RPTOR: variants seen among roughly 807,000 people sequenced by gnomAD.
The protein encoded by RPTOR is regulatory associated protein of MTOR complex 1.
A neutral mutation model predicts 169.9 loss-of-function variants in RPTOR; 21 were observed. The ratio of observed to expected loss-of-function variants is 0.12; its 90% CI spans 0.09 to 0.18. RPTOR has a LOEUF of 0.18. Ranked by LOEUF, RPTOR falls within the 10% of genes least tolerant of loss-of-function variation. The probability of loss-of-function intolerance (pLI) is 1.00; values close to 1 mark genes in which losing one functional copy is unlikely to be tolerated. For missense variants in RPTOR, 1,133 were observed against 1,855.9 expected, an observed-to-expected ratio of 0.61 and a Z score of 7.16; for synonymous variants, 732 against 753.2, an observed-to-expected ratio of 0.97 and a Z score of 0.46.
intron 1 of RPTOR, among the ~76,000 whole-genome samples, chr17:80,616,296 A>ATTTT (rs1409395643): frequency 4.9e-5 from 5 of 101,790 alleles, no homozygotes; most frequent in African/African-American, 1.2e-4. Context: ...AAAATTGAAA[A>ATTTT]TCTTTTTTTT....
intron 3 of RPTOR, among the ~76,000 whole-genome samples, chr17:80,703,884 G>A (rs777863513): frequency 1.3e-5 from 2 of 152,218 alleles, no homozygotes; most frequent in Non-Finnish European, 2.9e-5. Flanking sequence ...ACCAAAATGG[G>A]ATGTGGCCTG....
intron 5 of RPTOR, among the ~76,000 whole-genome samples, chr17:80,737,040 A>G (rs535758034): frequency 6.6e-6 from 1 of 152,282 alleles, no homozygotes; most frequent in East Asian, 1.9e-4. Context: ...CAACTTTATT[A>G]ATTTTCAAGT....
intron 3 of RPTOR, among the ~76,000 whole-genome samples, chr17:80,701,077 T>C (rs2066096898): frequency 6.6e-6 from 1 of 152,108 alleles, no homozygotes; most frequent in Non-Finnish European, 1.5e-5. Context: ...AAATGGTTAG[T>C]GACCCCATCC....
At chr17:80,918,990 C>T (rs1331653115) in intron 21 of RPTOR, among the ~76,000 whole-genome samples, 1 of 152,188 alleles carries the variant, frequency 6.6e-6, no homozygotes, top group Non-Finnish European at 1.5e-5. Flanking sequence ...TTCCCACACA[C>T]CCGGGTCTGA....
intron 2 of RPTOR, among the ~76,000 whole-genome samples, chr17:80,626,971 C>G (rs948298115): frequency 7.2e-5 from 11 of 152,174 alleles, no homozygotes; most frequent in South Asian, 2.1e-4. Context: ...TCCCCTAGCC[C>G]CTAGTAACCG....
chr17:80,709,822 A>C (rs1281952162), intron 4 of RPTOR, among the ~76,000 whole-genome samples: 1 of 152,064 alleles, frequency 6.6e-6, no homozygotes, highest in African/African-American at 2.4e-5. Flanking sequence ...CCTATCTGCT[A>C]TCCACTTCTC....
intron 7 of RPTOR, among the ~76,000 whole-genome samples, chr17:80,821,609 C>T (rs1422453431): frequency 1.3e-5 from 2 of 152,194 alleles, no homozygotes; most frequent in Non-Finnish European, 2.9e-5. Context: ...GTCTCTGCGT[C>T]ATCTGCCGTC....
intron 9 of RPTOR, among the ~76,000 whole-genome samples, chr17:80,832,962 C>T (rs373114317): frequency 6.6e-6 from 1 of 152,232 alleles, no homozygotes; most frequent in African/African-American, 2.4e-5. Context: ...TTGCTTCAGG[C>T]CGCGGCAGTA....
intron 3 of RPTOR, among the ~76,000 whole-genome samples, chr17:80,687,968 C>T (rs2065961581): frequency 6.6e-6 from 1 of 152,214 alleles, no homozygotes; most frequent in Non-Finnish European, 1.5e-5. Context: ...TGTCCCGGTA[C>T]TGCCTGAAGC....
chr17:80,751,135 G>A (rs1381962224), intron 5 of RPTOR, among the ~76,000 whole-genome samples: 2 of 152,168 alleles, frequency 1.3e-5, no homozygotes, highest in Non-Finnish European at 2.9e-5. Flanking sequence ...AGTGCGTTCT[G>A]TACCATCACC....
chr17:80,903,718 G>T (rs533390559), intron 20 of RPTOR, among the ~76,000 whole-genome samples: 1 of 152,114 alleles, frequency 6.6e-6, no homozygotes, highest in South Asian at 2.1e-4. Flanking sequence ...CAAGCCCCGC[G>T]TGCAGCTCCA....
In RPTOR at chr17:80,963,719, TCCCCTCTGCGGC is replaced by T. The variant is rs1341092960; in HGVS notation, c.3940-540_3940-529del. On this transcript the variant is annotated intron_variant, in intron 33 of 33. Transcript: ENST00000306801. Reference sequence around the variant, plus strand: ...CGTCCCCTGTGCGGCCCTCACCCCGTCCCCTCTGCGGCCCTCACCCCGTCCCCTCTGCGGCCC... The same window carrying T: ...CGTCCCCTGTGCGGCCCTCACCCCGTCCTCACCCCGTCCCCTCTGCGGCCC... 3.8e-4 allele frequency among the ~76,000 whole-genome samples: 12 copies of T among 31,818 alleles called. 1 individual carries two copies. The highest frequency in any genetic ancestry group is 1.2e-3 in the African/African-American group (8 of 6,704). 20.9% of individuals were successfully genotyped at this position (31,818 alleles called of 152,430 possible).
chr17:80,703,450 A>G (rs965907652), intron 3 of RPTOR, among the ~76,000 whole-genome samples: 17 of 152,192 alleles, frequency 1.1e-4, no homozygotes, highest in African/African-American at 4.1e-4. Context: ...AGTTAGCTTC[A>G]GTGGACGTTC....
At chr17:80,596,290 A>G (rs554776801) in intron 1 of RPTOR, among the ~76,000 whole-genome samples, 8 of 152,364 alleles carry the variant, frequency 5.3e-5, no homozygotes, top group Non-Finnish European at 1.0e-4. Flanking sequence ...AACCTAAGTC[A>G]GAGAGAACTG....
Position 80,730,469 on chromosome 17 carries a change from A to T in RPTOR, c.508-91A>T. On this transcript the variant is annotated intron_variant, in intron 4 of 33. Transcript: ENST00000306801. This position sits in a 1 kb window ranked among gnomAD's most constrained non-coding sequence, Gnocchi z 4.2. ...AGCGTCTCTCCAGCCACCAGGCTCA[A>T]TGTGTGTGCCTTTTGTAACGGTGCA... is the stretch of plus-strand genomic sequence containing the variant. 1 of 1,420,750 alleles carries T rather than the reference A, an allele frequency of 7.0e-7. No individual in the cohort carries two copies. 88.0% of individuals were successfully genotyped at this position (1,420,750 alleles called of 1,614,324 possible). A position where few individuals can be genotyped will look rare whatever the true frequency, so the allele number is the denominator to read the frequency against.
intron 3 of RPTOR, among the ~76,000 whole-genome samples, chr17:80,687,702 A>T (rs1286620081): frequency 6.6e-6 from 1 of 152,204 alleles, no homozygotes; most frequent in Non-Finnish European, 1.5e-5. Context: ...GGGGAATGAA[A>T]GGGGCAGCAC....
intron 24 of RPTOR, among the ~76,000 whole-genome samples, chr17:80,937,203 G>T (rs1023683571): frequency 1.1e-4 from 16 of 152,140 alleles, no homozygotes; most frequent in Non-Finnish European, 1.9e-4. Flanking sequence ...ATGTGTTAGC[G>T]ATCTTTTCCC....
At chr17:80,939,566 G>C (rs149697965) in intron 24 of RPTOR, among the ~76,000 whole-genome samples, 176 of 152,294 alleles carry the variant, frequency 1.2e-3, no homozygotes, top group African/African-American at 3.7e-3. Context: ...CAGGCTTGCA[G>C]CTCAGCACCC....
intron 13 of RPTOR, among the ~76,000 whole-genome samples, chr17:80,871,552 C>T (rs12150252): frequency 0.23 from 34,633 of 152,092 alleles, 4,175 homozygotes; most frequent in African/African-American, 0.29. Flanking sequence ...CGGGTGAAGC[C>T]GCTGCTGCCG....
Sources: allele counts gnomAD v4.1 joint callset (sites outside exome capture counted in the v4.1 genomes callset), GRCh38; gene constraint gnomAD v4.1.1; non-coding constraint Gnocchi (gnomAD v3.1); transcripts MANE v1.5; gene names NCBI Gene and HGNC (gene_info 2026-07-23, HGNC 2026-07-21).